BTAF1: variants seen among roughly 807,000 people sequenced by gnomAD.
The protein encoded by BTAF1 is TATA-binding protein-associated factor 172.
BTAF1 carries 38 observed loss-of-function variants against 227.1 expected under a neutral mutation model. The ratio of observed to expected loss-of-function variants is 0.17; its 90% CI spans 0.13 to 0.22. The LOEUF is 0.22. Ranked by LOEUF, BTAF1 falls within the 10% of genes least tolerant of loss-of-function variation. The probability of loss-of-function intolerance (pLI) is 1.00; values close to 1 mark genes in which losing one functional copy is unlikely to be tolerated. For missense variants in BTAF1, 1,598 were observed against 2,204.0 expected (o/e 0.73, Z 5.51); for synonymous variants, 742 against 751.9 (o/e 0.99, Z 0.21).
At chr10:91,958,947 T>C (rs1846292695) in intron 8 of BTAF1, 118 bp from the exon 9 acceptor site, 1 of 827,378 alleles carries the variant, frequency 1.2e-6, no homozygotes, top group Admixed American at 2.6e-5. Context: ...CTTGTAAAGT[T>C]CCACTTAGTT....
At chr10:92,019,966 C>T (rs1044011463) in intron 34 of BTAF1, among the ~76,000 whole-genome samples, 11 of 150,678 alleles carry the variant, frequency 7.3e-5, no homozygotes, top group Admixed American at 1.3e-4. Flanking sequence ...AAACGATCCT[C>T]CCACCTGGGC....
chr10:92,008,447 C>A (rs1469671793), intron 26 of BTAF1, among the ~76,000 whole-genome samples, 172 bp downstream of exon 26: 1 of 151,722 alleles, frequency 6.6e-6, no homozygotes, highest in Admixed American at 6.6e-5. Flanking sequence ...GGACTCAGGC[C>A]ATCTTCCCAC....
intron 34 of BTAF1, among the ~76,000 whole-genome samples, chr10:92,022,553 G>C (rs550496428): frequency 6.6e-6 from 1 of 152,026 alleles, no homozygotes; most frequent in Non-Finnish European, 1.5e-5. Context: ...AAGTAACTAG[G>C]ACTACAGGTG....
intron 5 of BTAF1, among the ~76,000 whole-genome samples, chr10:91,952,318 C>T (rs970386816): frequency 8.5e-5 from 13 of 152,156 alleles, no homozygotes; most frequent in African/African-American, 3.1e-4. Flanking sequence ...TAATTTCACT[C>T]TTTTCTTCCT....
intron 14 of BTAF1, among the ~76,000 whole-genome samples, chr10:91,967,718 G>GT (rs1217316925): frequency 6.6e-6 from 1 of 152,184 alleles, no homozygotes; most frequent in Non-Finnish European, 1.5e-5. Flanking sequence ...AGCATGGGCT[G>GT]ATATGACAGC....
intron 30 of BTAF1, among the ~76,000 whole-genome samples, chr10:92,012,079 TTCCCTCCCTCCCTCCCCTCCCCC>T: frequency 8.6e-6 from 1 of 116,464 alleles, no homozygotes; most frequent in Non-Finnish European, 1.8e-5. Flanking sequence ...CTCTCCCTCC[TTCCCTCCCTCCCTCCCCTCCCCC>T]TCCCTCCCCT....
At chr10:92,011,442 A>ATTATTT (rs1161834321) in intron 30 of BTAF1, 27 bp downstream of exon 30, 1 of 1,084,862 alleles carries the variant, frequency 9.2e-7, no homozygotes, top group Non-Finnish European at 1.2e-6. Flanking sequence ...ATTTTTTTTA[A>ATTATTT]TTATTTTTAT....
intron 32 of BTAF1, 129 bp downstream of exon 32, chr10:92,014,158 TG>T (rs1850547270): frequency 2.1e-6 from 2 of 974,026 alleles, no homozygotes; most frequent in Non-Finnish European, 3.0e-6. Context: ...GCCTAAATGA[TG>T]TGGATGTAAG....
intron 25 of BTAF1, among the ~76,000 whole-genome samples, chr10:92,004,952 T>G (rs567512714): frequency 1.1e-4 from 17 of 152,350 alleles, no homozygotes; most frequent in African/African-American, 4.1e-4. Context: ...TCCAGTTTCA[T>G]TCTTCTGCAT....
At position 92,008,841 on chromosome 10, in the gene BTAF1, T is replaced by C. The variant is rs1307926836; in HGVS notation, c.3826T>C (p.Trp1276Arg). 6.2e-7 allele frequency: 1 copy of C among 1,608,170 alleles called. No individual in the cohort carries two copies. Among genetic ancestry groups the C allele is most frequent in the African/African-American group, 1.3e-5 (1 of 74,786 alleles). Residue 1276 changes from tryptophan (W) to arginine (R), a missense_variant, in exon 27 of 38, where the codon TGG becomes CGG. By Grantham distance (101) the Trp-to-Arg change is moderately radical. This residue lies in a region of BTAF1 where 184 missense variants were observed against 341.1 expected (regional missense o/e 0.54). Coordinates refer to ENST00000265990, the MANE Select transcript of BTAF1 (RefSeq NM_003972.3). ...LRKYQQDGVN[W>R]LAFLNKYKLH... ...TTCTCTCTATCAGGATGGTGTGAAC[T>C]GGTTAGCATTTCTTAATAAGTATAA...
intron 1 of BTAF1, among the ~76,000 whole-genome samples, chr10:91,925,317 C>G (rs541104619): frequency 6.6e-6 from 1 of 152,130 alleles, no homozygotes; most frequent in South Asian, 2.1e-4. Context: ...TGTTACCTCC[C>G]ATATAAATGC....
At chr10:92,007,457 G>A (rs953974904) in intron 25 of BTAF1, among the ~76,000 whole-genome samples, 2 of 151,970 alleles carry the variant, frequency 1.3e-5, no homozygotes, top group African/African-American at 4.8e-5. Context: ...CCTCAAGTGA[G>A]CCGCCTGCCT....
At chr10:92,021,405 G>C (rs184733507) in intron 34 of BTAF1, among the ~76,000 whole-genome samples, 65 of 152,260 alleles carry the variant, frequency 4.3e-4, no homozygotes, top group Non-Finnish European at 8.2e-4. Flanking sequence ...TTCACTATAA[G>C]AACGGTGTGA....
chr10:91,924,231 C>A, intron 1 of BTAF1, 141 bp downstream of exon 1: 1 of 1,200,556 alleles, frequency 8.3e-7, no homozygotes, highest in East Asian at 2.9e-5. Context: ...CGGAGTTCGC[C>A]CCGTGGTCGG....
intron 14 of BTAF1, among the ~76,000 whole-genome samples, chr10:91,967,139 G>A (rs1044935950): frequency 6.6e-6 from 1 of 152,188 alleles, no homozygotes; most frequent in African/African-American, 2.4e-5. Context: ...ACATTTGAAG[G>A]TCTAGAGTAC....
At position 91,960,009 on chromosome 10, in the gene BTAF1, A is replaced by G; in HGVS notation, c.1118A>G (p.Gln373Arg). 6.2e-7 allele frequency: 1 copy of G among 1,610,556 alleles called. No individual in the cohort carries two copies. The highest frequency in any genetic ancestry group is 8.5e-7 in the Non-Finnish European group (1 of 1,178,258). The change falls in exon 11 of 38, where the codon CAA becomes CGA. Residue 373 changes from glutamine to arginine, a missense_variant. By Grantham distance (43) the Gln-to-Arg change is conservative. Around this residue, in one of 10 missense-constraint regions of BTAF1, gnomAD observed 13 missense variants for 45.2 expected, o/e 0.29. Transcript: ENST00000265990. ...VVAPVRETCA[Q>R]TLGVVLKHMN... ...GCACCAGTTCGTGAAACTTGTGCTCAAACATTAGGTGTGGTTTTAAAACAC... is the reference window on the plus strand; with the variant it reads ...GCACCAGTTCGTGAAACTTGTGCTCGAACATTAGGTGTGGTTTTAAAACAC...
At chr10:92,012,050 A>T (rs1201281364) in intron 30 of BTAF1, among the ~76,000 whole-genome samples, 1 of 145,126 alleles carries the variant, frequency 6.9e-6, no homozygotes, top group East Asian at 2.1e-4. Context: ...TTCTTTATGT[A>T]CTTACCTACT....
intron 20 of BTAF1, among the ~76,000 whole-genome samples, chr10:91,991,814 TATATATATATATATATATACACAC>T (rs1848804495): frequency 3.2e-5 from 2 of 62,244 alleles, no homozygotes; most frequent in Non-Finnish European, 5.5e-5. Context: ...TATATATATA[TATATATATATATATATATACACAC>T]ATATATACAC....
intron 34 of BTAF1, among the ~76,000 whole-genome samples, chr10:92,019,871 AGTTTT>A (rs1181318502): frequency 6.9e-6 from 1 of 144,530 alleles, no homozygotes; most frequent in African/African-American, 2.5e-5. Context: ...GAGTTGTGAA[AGTTTT>A]GTTTTGTTGT....
Sources: gnomAD v4.1 joint callset for allele counts (sites outside exome capture counted in the v4.1 genomes callset) on GRCh38, gnomAD v4.1.1 for gene constraint, gnomAD v4.1.1 regional missense constraint, MANE v1.5 for transcripts, NCBI Gene and HGNC (gene_info 2026-07-23, HGNC 2026-07-21) for gene names.